PIN4: variants seen among roughly 807,000 people sequenced by gnomAD.
PIN4 encodes peptidyl-prolyl cis-trans isomerase NIMA-interacting 4.
Under a neutral mutation model 8.3 loss-of-function variants are expected in PIN4, and 3 were observed. The observed-to-expected ratio is 0.36, with a 90% confidence interval of 0.16 to 0.93. The LOEUF is 0.93. Among genes scored for constraint, PIN4 ranks in the 40% least tolerant of loss-of-function variants. The pLI is 0.44. For missense variants in PIN4, 75 were observed against 100.6 expected, an observed-to-expected ratio of 0.75 and a Z score of 1.09; for synonymous variants, 18 against 32.5, an observed-to-expected ratio of 0.55 and a Z score of 1.52.
At chrX:72,227,149 G>A (rs2042958386) in intron 3 of PIN4, among the ~76,000 whole-genome samples, 2 of 111,741 alleles carry the variant, frequency 1.8e-5, no homozygotes, top group South Asian at 7.4e-4. Context: ...TACCTTTTCA[G>A]GATGGGTCGA....
chrX:72,234,245 GAAGT>G (rs900730799), intron 3 of PIN4, among the ~76,000 whole-genome samples: 4 of 112,661 alleles, frequency 3.6e-5, no homozygotes, highest in African/African-American at 1.3e-4. Flanking sequence ...AGCAGTCAGT[GAAGT>G]AAGAAGAAAA....
chrX:72,208,005 G>A, intron 3 of PIN4: 1 of 1,211,218 alleles, frequency 8.3e-7, no homozygotes, highest in Non-Finnish European at 1.1e-6. Context: ...TTCCTGTGAG[G>A]AGGAGGCGAT....
At chrX:72,236,384 C>T (rs1315522312) in intron 3 of PIN4, among the ~76,000 whole-genome samples, 2 of 111,619 alleles carry the variant, frequency 1.8e-5, no homozygotes, top group Non-Finnish European at 1.9e-5. Flanking sequence ...CTGCAACCTC[C>T]GCCTCCTGGG....
chrX:72,240,365 C>G (rs1349217345), intron 3 of PIN4, among the ~76,000 whole-genome samples: 2 of 111,772 alleles, frequency 1.8e-5, no homozygotes, highest in East Asian at 5.6e-4. Context: ...TGTCCTTGTT[C>G]ATATACTGTT....
chrX:72,188,669 A>AT (rs2042716314), intron 2 of PIN4, among the ~76,000 whole-genome samples: 1 of 111,165 alleles, frequency 9.0e-6, no homozygotes, highest in Non-Finnish European at 1.9e-5. Context: ...GCTTTAGCTA[A>AT]TTTTTTAAAA....
chrX:72,196,003 C>T (rs1158395925), intron 2 of PIN4, among the ~76,000 whole-genome samples: 4 of 110,183 alleles, frequency 3.6e-5, no homozygotes, highest in Non-Finnish European at 7.6e-5. Context: ...CCTGTAATCC[C>T]AGCTACTCGG....
intron 3 of PIN4, among the ~76,000 whole-genome samples, chrX:72,234,105 G>A (rs1263206956): frequency 2.8e-5 from 3 of 108,681 alleles, no homozygotes; most frequent in South Asian, 3.9e-4. Context: ...GCAAGACTCC[G>A]TCTCAAAAAA....
chrX:72,206,886 G>T lies in PIN4; in HGVS notation c.312+9982G>T, dbSNP rs148561399. 1.9e-3 allele frequency: 2,266 copies of T among 1,210,034 alleles called. 24 individuals carry two copies. In the African/African-American group the frequency reaches 0.035, roughly 19 times the overall value. Reference sequence around the variant, plus strand: ...AGTTCTGAAGATCCTCGATTGTAAAGAGCTCTCTTAATTCTTGTTTACTAA... The same window carrying T: ...AGTTCTGAAGATCCTCGATTGTAAATAGCTCTCTTAATTCTTGTTTACTAA... On this transcript the variant is annotated intron_variant, in intron 3 of 3. Transcript: ENST00000423432.
chrX:72,242,026 G>A (rs1235865186), intron 3 of PIN4, among the ~76,000 whole-genome samples: 1 of 111,382 alleles, frequency 9.0e-6, no homozygotes, highest in Non-Finnish European at 1.9e-5. Context: ...TCTGGGGAAG[G>A]CCATGTCTGG....
At position 72,232,306 on chromosome X, in the gene PIN4, G is replaced by A. The variant is rs1224645648; in HGVS notation, c.313-30401G>A. On this transcript the variant is annotated intron_variant, in intron 3 of 3. Coordinates refer to the PIN4 transcript ENST00000423432. ...AAAAAAAAAAAAAAAAAAGACAGCT[G>A]GGCATGGTGGCTCATGCCTGTAATC... Among the ~76,000 whole-genome samples, 3 of 95,624 alleles carry A rather than the reference G, an allele frequency of 3.1e-5. No homozygotes were observed. The Admixed American group carries it at 3.4e-4, about 11-fold the overall frequency. 83.0% of individuals were successfully genotyped at this position (95,624 alleles called of 115,157 possible).
At chrX:72,258,681 A>G (rs1165529656) in intron 3 of PIN4, among the ~76,000 whole-genome samples, 1 of 111,176 alleles carries the variant, frequency 9.0e-6, no homozygotes, top group African/African-American at 3.3e-5. Context: ...ATCCCTATTA[A>G]TTGTGTGAAC....
intron 1 of PIN4, among the ~76,000 whole-genome samples, chrX:72,185,362 T>A (rs1297969189): frequency 9.1e-6 from 1 of 109,985 alleles, no homozygotes; most frequent in Non-Finnish European, 1.9e-5. Context: ...GAGTGTCTCC[T>A]CATCCTTTCT....
intron 3 of PIN4, among the ~76,000 whole-genome samples, chrX:72,262,067 T>C (rs1351328647): frequency 9.0e-6 from 1 of 111,425 alleles, no homozygotes; most frequent in Non-Finnish European, 1.9e-5. Context: ...CCAAGACCTG[T>C]ATAGGTGTCT....
intron 3 of PIN4, among the ~76,000 whole-genome samples, chrX:72,217,893 T>C (rs1447395472): frequency 1.8e-5 from 2 of 112,070 alleles, no homozygotes; most frequent in African/African-American, 6.5e-5. Context: ...CCACACTGTC[T>C]TGACTACTGT....
intron 3 of PIN4, among the ~76,000 whole-genome samples, chrX:72,240,296 T>C (rs1344614498): frequency 2.7e-5 from 3 of 111,663 alleles, no homozygotes; most frequent in African/African-American, 6.5e-5. Context: ...GGAAATGTGA[T>C]TGAGTTTAAG....
chrX:72,241,708 T>C (rs931470110), intron 3 of PIN4, among the ~76,000 whole-genome samples: 8 of 110,335 alleles, frequency 7.3e-5, no homozygotes, highest in Non-Finnish European at 1.5e-4. Context: ...CCCAGCTACT[T>C]GGGAGGCTGA....
chrX:72,202,068 A>G (rs1223312563), downstream of PIN4, among the ~76,000 whole-genome samples: 1 of 113,035 alleles, frequency 8.8e-6, no homozygotes, highest in Non-Finnish European at 1.9e-5. Context: ...TGGAGAGGAT[A>G]TTTCCTGTCA....
At chrX:72,231,062 C>G (rs2042980594) in intron 3 of PIN4, among the ~76,000 whole-genome samples, 1 of 112,230 alleles carries the variant, frequency 8.9e-6, no homozygotes, top group Non-Finnish European at 1.9e-5. Flanking sequence ...ATCCAGCAAT[C>G]TCACTTCTGG....
chrX:72,250,658 G>C (rs2043082709), intron 3 of PIN4, among the ~76,000 whole-genome samples: 1 of 109,025 alleles, frequency 9.2e-6, no homozygotes, highest in Admixed American at 9.9e-5. Flanking sequence ...AGACCACACT[G>C]GGCAACATAA....
Sources: gnomAD v4.1 joint callset for allele counts (sites outside exome capture counted in the v4.1 genomes callset) on GRCh38, gnomAD v4.1.1 for gene constraint, MANE v1.5 for transcripts, NCBI Gene and HGNC (gene_info 2026-07-23, HGNC 2026-07-21) for gene names.